The following XKR9 variants were observed in gnomAD, a reference collection of about 807,000 sequenced individuals.
XKR9 encodes XK related 9.
A neutral mutation model predicts 32.0 loss-of-function variants in XKR9; 32 were observed. The ratio of observed to expected loss-of-function variants is 1.00; its 90% CI spans 0.76 to 1.34. The LOEUF is 1.34. Ranked by LOEUF, XKR9 falls within the 40% of genes most tolerant of loss-of-function variation. XKR9 has a pLI of 0.00. For missense variants in XKR9, 546 were observed against 429.7 expected (o/e 1.27, Z -2.39); for synonymous variants, 168 against 143.4 (o/e 1.17, Z -1.22).
the XKR9 span, among the ~76,000 whole-genome samples, chr8:71,059,515 G>A: frequency 2.6e-5 from 4 of 152,302 alleles, no homozygotes; most frequent in African/African-American, 4.8e-5. Flanking sequence ...AGGAACTGGC[G>A]CTGTGACAAA....
chr8:70,779,405 A>T (rs1250125291), intron 2 of XKR9, among the ~76,000 whole-genome samples: 1 of 152,138 alleles, frequency 6.6e-6, no homozygotes, highest in African/African-American at 2.4e-5. Flanking sequence ...TATTGGCCTA[A>T]CATTCTCTTT....
the XKR9 span, among the ~76,000 whole-genome samples, chr8:71,016,837 C>T: frequency 6.7e-6 from 1 of 149,652 alleles, no homozygotes; most frequent in Admixed American, 6.7e-5. Context: ...GTCATATGCT[C>T]TTTTTTTTTT....
chr8:71,035,609 C>G, the XKR9 span, among the ~76,000 whole-genome samples: 1 of 152,172 alleles, frequency 6.6e-6, no homozygotes, highest in Non-Finnish European at 1.5e-5. Flanking sequence ...GCACATCTAT[C>G]CTTTGACATT....
chr8:70,994,668 T>G, the XKR9 span, among the ~76,000 whole-genome samples: 1 of 152,074 alleles, frequency 6.6e-6, no homozygotes, highest in Non-Finnish European at 1.5e-5. Context: ...CTCCAAATAT[T>G]TTTTCCATTA....
the XKR9 span, among the ~76,000 whole-genome samples, chr8:70,982,689 A>G: frequency 1.3e-5 from 2 of 152,230 alleles, no homozygotes; most frequent in Non-Finnish European, 2.9e-5. Flanking sequence ...TCCAGTTCCT[A>G]CAAAGGGTCT....
the XKR9 span, among the ~76,000 whole-genome samples, chr8:70,859,233 A>G: frequency 6.6e-6 from 1 of 152,182 alleles, no homozygotes; most frequent in African/African-American, 2.4e-5. Context: ...AAAAATGCCA[A>G]CAGATATATG....
At chr8:70,740,675 C>G (rs998858193), downstream of XKR9, among the ~76,000 whole-genome samples, 5 of 152,150 alleles carry the variant, frequency 3.3e-5, no homozygotes, top group African/African-American at 1.2e-4. Flanking sequence ...TGTTAGTTTT[C>G]CTTCTGACAG....
At chr8:70,891,148 T>C in the XKR9 span, among the ~76,000 whole-genome samples, 1 of 151,890 alleles carries the variant, frequency 6.6e-6, no homozygotes, top group East Asian at 1.9e-4. Flanking sequence ...CCTCCTGTTT[T>C]GTTTTTGCTT....
At chr8:70,922,802 T>C in the XKR9 span, among the ~76,000 whole-genome samples, 11,218 of 152,210 alleles carry the variant, frequency 0.074, 486 homozygotes, top group Non-Finnish European at 0.09. Flanking sequence ...GGCAAGAAAA[T>C]GGAAACAGCA....
At chr8:70,801,081 G>C in the XKR9 span, among the ~76,000 whole-genome samples, 6 of 149,258 alleles carry the variant, frequency 4.0e-5, no homozygotes, top group African/African-American at 9.9e-5. Context: ...AAAAAAATTA[G>C]TGTAGCTAGT....
chr8:70,673,663 G>A (rs1818790523), intron 1 of XKR9, among the ~76,000 whole-genome samples: 1 of 152,088 alleles, frequency 6.6e-6, no homozygotes, highest in African/African-American at 2.4e-5. Flanking sequence ...TACTTGGGAG[G>A]CCGAGGCAGG....
the XKR9 span, among the ~76,000 whole-genome samples, chr8:70,955,455 A>T: frequency 6.6e-6 from 1 of 152,174 alleles, no homozygotes; most frequent in Non-Finnish European, 1.5e-5. Context: ...CTGGGGAAGG[A>T]GGGATTTATT....
In XKR9 at chr8:70,706,962, A is replaced by G. The variant is rs1293217146; in HGVS notation, c.302A>G (p.His101Arg). 1.9e-6 allele frequency: 3 copies of G among 1,612,872 alleles called. No individual in the cohort carries two copies. The highest frequency in any genetic ancestry group is 2.2e-5 in the East Asian group (1 of 44,836). ...TGGTTTGCCTTAAAAAGGGGTTACC[A>G]TGCAGCTTTTAAATATGACAGCAAT... ...RYWFALKRGY[H>R]AAFKYDSNTS... is the part of the protein sequence containing the mutation. The change falls in exon 4 of 5, where the codon CAT (histidine) becomes CGT (arginine). Residue 101 changes from histidine to arginine, a missense_variant. By Grantham distance (29) the His-to-Arg change is conservative. Coordinates refer to ENST00000408926, the MANE Select transcript of XKR9 (RefSeq NM_001011720.2).
chr8:70,839,541 A>G, the XKR9 span, among the ~76,000 whole-genome samples: 1 of 152,154 alleles, frequency 6.6e-6, no homozygotes, highest in Admixed American at 6.6e-5. Context: ...ACACGAGGAC[A>G]ATTTTTTCTG....
At chr8:70,938,133 G>A in the XKR9 span, among the ~76,000 whole-genome samples, 1 of 151,994 alleles carries the variant, frequency 6.6e-6, no homozygotes, top group Non-Finnish European at 1.5e-5. Flanking sequence ...AAAAATTTTA[G>A]TGATGTCTCC....
chr8:70,930,932 G>A, the XKR9 span, among the ~76,000 whole-genome samples: 2 of 152,118 alleles, frequency 1.3e-5, no homozygotes, highest in East Asian at 3.9e-4. Context: ...CCTTTCTGGT[G>A]AAGAAGTTAG....
chr8:70,736,648 G>A (rs1806868567), downstream of XKR9, among the ~76,000 whole-genome samples: 1 of 152,014 alleles, frequency 6.6e-6, no homozygotes. Context: ...TTTTGTATAA[G>A]GTGTAAGGAA....
chr8:70,889,846 G>A, the XKR9 span, among the ~76,000 whole-genome samples: 3 of 151,990 alleles, frequency 2.0e-5, no homozygotes, highest in South Asian at 2.1e-4. Flanking sequence ...TTGATTCCAC[G>A]TCTTTGCTAT....
the XKR9 span, among the ~76,000 whole-genome samples, chr8:71,012,251 G>A: frequency 5.3e-5 from 8 of 152,084 alleles, no homozygotes; most frequent in Admixed American, 2.0e-4. Flanking sequence ...AGACAGATAA[G>A]GAGAGAGGTG....
Sources: allele counts gnomAD v4.1 joint callset (sites outside exome capture counted in the v4.1 genomes callset), GRCh38; gene constraint gnomAD v4.1.1; transcripts MANE v1.5; gene names NCBI Gene and HGNC (gene_info 2026-07-23, HGNC 2026-07-21).